PDS5B: variants seen among roughly 807,000 people sequenced by gnomAD.
PDS5B encodes the protein PDS5 cohesin associated factor B, also known as sister chromatid cohesion protein PDS5 homolog B.
Under a neutral mutation model 184.1 loss-of-function variants are expected in PDS5B, and 51 were observed. The observed-to-expected ratio is 0.28, with a 90% CI of 0.22 to 0.35. The LOEUF (loss-of-function observed/expected upper bound fraction) is 0.35. Ranked by LOEUF, PDS5B falls within the 10% of genes least tolerant of loss-of-function variation. The probability of loss-of-function intolerance (pLI) is 1.00; values close to 1 mark genes in which losing one functional copy is unlikely to be tolerated. For missense variants in PDS5B, 1,180 were observed against 1,723.3 expected (o/e 0.68, Z 5.58); for synonymous variants, 566 against 569.2 (o/e 0.99, Z 0.08).
intron 19 of PDS5B, 61 bp from the exon 20 acceptor site, chr13:32,732,040 T>C: frequency 7.2e-7 from 1 of 1,384,098 alleles, no homozygotes; most frequent in Non-Finnish European, 1.0e-6. Flanking sequence ...TATTAAAGTA[T>C]CTAGCAGAAG....
At chr13:32,760,761 C>G (rs375524589) in intron 30 of PDS5B, 41 bp downstream of exon 30, 3 of 1,571,686 alleles carry the variant, frequency 1.9e-6, no homozygotes, top group Non-Finnish European at 2.6e-6. Flanking sequence ...TTTAAGGATT[C>G]CAGCAAGGCT....
chr13:32,721,852 A>T (rs2140927385), intron 19 of PDS5B, among the ~76,000 whole-genome samples: 1 of 149,996 alleles, frequency 6.7e-6, no homozygotes, highest in East Asian at 2.0e-4. Flanking sequence ...GGCTGGGAAG[A>T]GGCGCTCCTC....
At chr13:32,620,825 C>T (rs1212099278) in intron 1 of PDS5B, among the ~76,000 whole-genome samples, 1 of 152,080 alleles carries the variant, frequency 6.6e-6, no homozygotes, top group Non-Finnish European at 1.5e-5. Context: ...CAAATGGGTA[C>T]TGATTTCTAC....
intron 19 of PDS5B, among the ~76,000 whole-genome samples, chr13:32,730,742 C>G (rs1433992795): frequency 1.3e-5 from 2 of 149,078 alleles, no homozygotes; most frequent in African/African-American, 2.4e-5. Context: ...ATTTGGCTCT[C>G]TGTTTGTCTT....
chr13:32,602,246 C>T (rs1317508827), intron 1 of PDS5B, among the ~76,000 whole-genome samples: 1 of 152,086 alleles, frequency 6.6e-6, no homozygotes, highest in East Asian at 1.9e-4. Context: ...TCTCCCCTCC[C>T]TTCCCCTCAC....
chr13:32,705,815 A>G (rs993324846), intron 17 of PDS5B, among the ~76,000 whole-genome samples: 3 of 152,118 alleles, frequency 2.0e-5, no homozygotes, highest in Admixed American at 1.3e-4. Flanking sequence ...ACAGGCACAC[A>G]CTACCATGCC....
chr13:32,614,272 G>A (rs575616186), intron 1 of PDS5B, among the ~76,000 whole-genome samples: 5 of 151,812 alleles, frequency 3.3e-5, no homozygotes, highest in South Asian at 2.1e-4. Flanking sequence ...GAAAATCAGC[G>A]GGGATTCACA....
rs191927604 is a variant in PDS5B, at chr13:32,665,683, G to T, written c.625-2081G>T. Reference sequence around the variant, plus strand: ...TAAGAAAGCTATAGAGAGCAAAGCCGTATGAGAACAGACTGATAAATTTGA... The same window carrying T: ...TAAGAAAGCTATAGAGAGCAAAGCCTTATGAGAACAGACTGATAAATTTGA... On this transcript the variant is annotated intron_variant, in intron 6 of 34. Coordinates refer to ENST00000315596, the MANE Select transcript of PDS5B (RefSeq NM_015032.4). Among the ~76,000 whole-genome samples the T allele has an allele frequency of 8.7e-5, 13 of 150,214 alleles. No homozygotes were observed. The East Asian group carries it at 2.5e-3, about 29-fold the overall frequency.
chr13:32,610,180 A>G (rs1168851847), intron 1 of PDS5B, among the ~76,000 whole-genome samples: 3 of 152,234 alleles, frequency 2.0e-5, no homozygotes, highest in Non-Finnish European at 4.4e-5. Flanking sequence ...ATCAGTTGAG[A>G]ATGACAGTGA....
chr13:32,655,374 A>ATTTTTTTTTTTTTTTTT (rs1228814649), intron 3 of PDS5B, among the ~76,000 whole-genome samples: 1 of 72,462 alleles, frequency 1.4e-5, no homozygotes, highest in Non-Finnish European at 2.2e-5. Context: ...ATATATATAT[A>ATTTTTTTTTTTTTTTTT]TTTTTTTTTT....
intron 1 of PDS5B, among the ~76,000 whole-genome samples, chr13:32,620,792 T>C (rs1434390575): frequency 6.6e-6 from 1 of 152,144 alleles, no homozygotes; most frequent in Non-Finnish European, 1.5e-5. Context: ...AGGTAAAGCT[T>C]TTCTTTTTAT....
chr13:32,703,211 A>G (rs1276194894), intron 17 of PDS5B, among the ~76,000 whole-genome samples: 1 of 152,238 alleles, frequency 6.6e-6, no homozygotes, highest in African/African-American at 2.4e-5. Context: ...ATCTGCTCAG[A>G]TTGTATAGAA....
intron 1 of PDS5B, among the ~76,000 whole-genome samples, chr13:32,641,340 T>C (rs1172676065): frequency 6.6e-6 from 1 of 152,122 alleles, no homozygotes; most frequent in African/African-American, 2.4e-5. Context: ...CCTTTTCTGC[T>C]TCCTCTTTTT....
intron 3 of PDS5B, among the ~76,000 whole-genome samples, chr13:32,654,510 TTTTTG>T (rs1006778849): frequency 7.9e-5 from 12 of 152,332 alleles, no homozygotes; most frequent in African/African-American, 2.6e-4. Flanking sequence ...AAAGTAACTT[TTTTTG>T]TTTTAAGTAA....
At chr13:32,731,996 TC>T in intron 19 of PDS5B, 104 bp from the exon 20 acceptor site, 1 of 936,516 alleles carries the variant, frequency 1.1e-6, no homozygotes, top group Non-Finnish European at 1.6e-6. Flanking sequence ...GGTGACTTTT[TC>T]TGACCTTGTA....
intron 19 of PDS5B, among the ~76,000 whole-genome samples, chr13:32,730,726 C>T (rs776361484): frequency 6.6e-6 from 1 of 152,078 alleles, no homozygotes; most frequent in Non-Finnish European, 1.5e-5. Flanking sequence ...TGGGAGCTCA[C>T]TCATGATTTG....
intron 18 of PDS5B, among the ~76,000 whole-genome samples, chr13:32,709,228 A>G (rs138485626): frequency 0.01 from 1,588 of 152,016 alleles, 20 homozygotes; most frequent in African/African-American, 0.035. Context: ...AAAAAACCCT[A>G]TCTTATACAG....
chr13:32,750,838 G>A (rs889939026), intron 24 of PDS5B, among the ~76,000 whole-genome samples: 7 of 124,752 alleles, frequency 5.6e-5, no homozygotes, highest in Non-Finnish European at 8.7e-5. Flanking sequence ...CACTGCGCCC[G>A]GCCTCCCTCT....
In PDS5B at chr13:32,586,593, G is replaced by C. The variant is rs1176045130; in HGVS notation, c.-20G>C. On this transcript the variant is annotated splice_region_variant and 5_prime_UTR_variant, in exon 1 of 35. Coordinates refer to ENST00000315596, the MANE Select transcript of PDS5B (RefSeq NM_015032.4). ...CGGAGTAGCGAGTCGGCAACCCGGAGGTAGGAAACAATTCAGTTAACGGAA... is the reference window on the plus strand; with the variant it reads ...CGGAGTAGCGAGTCGGCAACCCGGACGTAGGAAACAATTCAGTTAACGGAA... The C allele has an allele frequency of 6.6e-6, 1 of 152,178 alleles. No individual in the cohort carries two copies. Among genetic ancestry groups the C allele is most frequent in the Non-Finnish European group, 1.5e-5 (1 of 67,980 alleles). The allele number at this position is 152,178 out of a possible 1,614,324, so 9.4% of individuals were successfully genotyped here. A position where few individuals can be genotyped will look rare whatever the true frequency, so the allele number is the denominator to read the frequency against.
Sources: allele counts gnomAD v4.1 joint callset (sites outside exome capture counted in the v4.1 genomes callset), GRCh38; gene constraint gnomAD v4.1.1; transcripts MANE v1.5; gene names NCBI Gene and HGNC (gene_info 2026-07-23, HGNC 2026-07-21).